TRIM24: variants seen among roughly 807,000 people sequenced by gnomAD.
TRIM24 encodes transcription intermediary factor 1-alpha.
TRIM24 carries 29 observed loss-of-function variants against 123.9 expected under a neutral mutation model. The observed-to-expected ratio is 0.23, with a 90% CI of 0.17 to 0.32. TRIM24 has a LOEUF of 0.32. TRIM24 is among the 10% of genes least tolerant of loss of function. TRIM24 has a pLI of 1.00. For missense variants in TRIM24, 932 were observed against 1,295.3 expected (o/e 0.72, Z 4.31); for synonymous variants, 456 against 461.1 (o/e 0.99, Z 0.14).
chr7:138,467,522 T>C (rs1795170890), intron 1 of TRIM24, among the ~76,000 whole-genome samples: 1 of 152,156 alleles, frequency 6.6e-6, no homozygotes, highest in African/African-American at 2.4e-5. Context: ...TTGTATTTTT[T>C]AGTAGAGACG....
chr7:138,504,758 CCT>C (rs901596236), intron 2 of TRIM24, among the ~76,000 whole-genome samples: 4 of 150,254 alleles, frequency 2.7e-5, no homozygotes, highest in Non-Finnish European at 5.9e-5. Context: ...CCGCACCTGG[CCT>C]CTTTTTTTTT....
intron 7 of TRIM24, among the ~76,000 whole-genome samples, chr7:138,541,494 A>G (rs1313067598): frequency 2.0e-5 from 3 of 152,218 alleles, no homozygotes; most frequent in Non-Finnish European, 4.4e-5. Flanking sequence ...TGGGCTTAAA[A>G]TAATAACTAA....
chr7:138,476,139 C>A (rs774046174), intron 1 of TRIM24, among the ~76,000 whole-genome samples: 19 of 152,096 alleles, frequency 1.2e-4, no homozygotes, highest in Non-Finnish European at 2.4e-4. Flanking sequence ...CAAGATAGAT[C>A]AACTGGACAA....
intron 10 of TRIM24, among the ~76,000 whole-genome samples, chr7:138,568,671 G>A (rs1324337279): frequency 6.6e-6 from 1 of 151,950 alleles, no homozygotes; most frequent in Non-Finnish European, 1.5e-5. Context: ...ACAGGTGTGG[G>A]CCACCATACC....
chr7:138,550,182 G>A (rs1488030411), intron 7 of TRIM24, among the ~76,000 whole-genome samples: 1 of 152,200 alleles, frequency 6.6e-6, no homozygotes, highest in African/African-American at 2.4e-5. Flanking sequence ...AAGTGGTCAT[G>A]TGTTTGAAGT....
intron 1 of TRIM24, chr7:138,490,550 T>C: frequency 4.8e-6 from 1 of 209,524 alleles, no homozygotes; most frequent in Non-Finnish European, 9.5e-6. Context: ...CTTTCACAAA[T>C]AGAACTTTTT....
Position 138,584,967 on chromosome 7 carries a change from G to C in TRIM24, c.*16G>C. ...GCTTAAATAATATGCAGCACCACTAGCTTGTGCTGGTTTTTAGATTTTTTT... is the reference window on the plus strand; with the variant it reads ...GCTTAAATAATATGCAGCACCACTACCTTGTGCTGGTTTTTAGATTTTTTT... On this transcript the variant is annotated 3_prime_UTR_variant, in exon 19 of 19. Coordinates refer to ENST00000343526, the MANE Select transcript of TRIM24 (RefSeq NM_015905.3). 1 of 1,564,524 alleles carries C rather than the reference G, an allele frequency of 6.4e-7. No homozygotes were observed. The highest frequency in any genetic ancestry group is 8.6e-7 in the Non-Finnish European group (1 of 1,159,858).
intron 1 of TRIM24, among the ~76,000 whole-genome samples, chr7:138,487,153 G>T (rs374374007): frequency 3.9e-5 from 6 of 152,110 alleles, no homozygotes; most frequent in Non-Finnish European, 8.8e-5. Context: ...TGTTATTGGC[G>T]TATAAGAATG....
At chr7:138,474,445 C>T (rs143121192) in intron 1 of TRIM24, among the ~76,000 whole-genome samples, 2 of 152,198 alleles carry the variant, frequency 1.3e-5, no homozygotes, top group African/African-American at 4.8e-5. Context: ...TTTTTCTATG[C>T]CAGCTCTCCA....
chr7:138,501,446 G>C (rs1446552730), intron 1 of TRIM24, among the ~76,000 whole-genome samples: 1 of 151,898 alleles, frequency 6.6e-6, no homozygotes, highest in Non-Finnish European at 1.5e-5. Context: ...GACCAGGCTG[G>C]TCTTGAACTC....
intron 6 of TRIM24, among the ~76,000 whole-genome samples, chr7:138,536,616 G>T (rs1284142311): frequency 6.6e-6 from 1 of 152,246 alleles, no homozygotes; most frequent in Admixed American, 6.5e-5. Context: ...TGAGGTGTCA[G>T]TCTGCCCCTA....
At chr7:138,577,796 G>C (rs1170909337) in intron 14 of TRIM24, among the ~76,000 whole-genome samples, 1 of 152,042 alleles carries the variant, frequency 6.6e-6, no homozygotes, top group East Asian at 1.9e-4. Context: ...ATGGAGGCTG[G>C]GCAGTTAAAA....
chr7:138,480,148 T>G (rs539659373), intron 1 of TRIM24, among the ~76,000 whole-genome samples: 1 of 152,242 alleles, frequency 6.6e-6, no homozygotes, highest in East Asian at 1.9e-4. Flanking sequence ...TTTTTTTTTG[T>G]AGTGACGAGG....
At chr7:138,504,541 C>T in intron 2 of TRIM24, 133 bp downstream of exon 2, 1 of 513,316 alleles carries the variant, frequency 1.9e-6, no homozygotes, top group South Asian at 4.5e-5. Context: ...CCGTTCACTG[C>T]AAGCTCCTCC....
At chr7:138,561,632 G>T (rs1393556936) in intron 9 of TRIM24, among the ~76,000 whole-genome samples, 1 of 152,176 alleles carries the variant, frequency 6.6e-6, no homozygotes, top group Non-Finnish European at 1.5e-5. Context: ...GGCCATCCTA[G>T]TGCCACAGAA....
At chr7:138,555,025 A>G in intron 9 of TRIM24, 59 bp downstream of exon 9, 1 of 1,510,006 alleles carries the variant, frequency 6.6e-7, no homozygotes, top group Non-Finnish European at 9.0e-7. Flanking sequence ...TGTGTTTAGC[A>G]GCTCAAAATA....
intron 9 of TRIM24, among the ~76,000 whole-genome samples, chr7:138,563,809 C>T (rs910688686): frequency 6.6e-6 from 1 of 152,184 alleles, no homozygotes; most frequent in Non-Finnish European, 1.5e-5. Flanking sequence ...TATTGATTGC[C>T]TTTTTCCTGC....
chr7:138,472,563 A>G (rs1466057073), intron 1 of TRIM24, among the ~76,000 whole-genome samples: 1 of 152,126 alleles, frequency 6.6e-6, no homozygotes, highest in Non-Finnish European at 1.5e-5. Flanking sequence ...TTGAGAAGGG[A>G]GTTTTGAAGT....
intron 6 of TRIM24, among the ~76,000 whole-genome samples, chr7:138,532,165 T>A (rs2116593219): frequency 6.6e-6 from 1 of 151,924 alleles, no homozygotes; most frequent in Non-Finnish European, 1.5e-5. Context: ...TTCTGTAGGT[T>A]GCCTGTTCAC....
Sources: allele counts gnomAD v4.1 joint callset (sites outside exome capture counted in the v4.1 genomes callset), GRCh38; gene constraint gnomAD v4.1.1; transcripts MANE v1.5; gene names NCBI Gene and HGNC (gene_info 2026-07-23, HGNC 2026-07-21).